The following JPH2 variants were observed in gnomAD, a reference collection of about 807,000 sequenced individuals.
The protein encoded by JPH2 is junctophilin-2.
A neutral mutation model predicts 55.9 loss-of-function variants in JPH2; 38 were observed. That is an observed-to-expected ratio of 0.68 (90% CI 0.52 to 0.89). The LOEUF (loss-of-function observed/expected upper bound fraction) is 0.89. JPH2 is among the 40% of genes least tolerant of loss of function. JPH2 has a pLI of 0.00. For synonymous variants in JPH2, 480 were observed against 472.4 expected (o/e 1.02, Z -0.21); for missense variants, 964 against 1,037.6 (o/e 0.93, Z 0.97).
intron 1 of JPH2, among the ~76,000 whole-genome samples, chr20:44,169,603 A>G (rs528832037): frequency 2.4e-4 from 36 of 152,324 alleles, no homozygotes; most frequent in South Asian, 6.2e-4. Context: ...CTCCAAATAC[A>G]GAATGGACAC....
chr20:44,159,400 G>A lies in JPH2; in HGVS notation c.1169+218C>T, dbSNP rs1349195055. Among the ~76,000 whole-genome samples the A allele has an allele frequency of 6.6e-6, 1 of 152,144 alleles. No homozygotes were observed. The highest frequency in any genetic ancestry group is 1.5e-5 in the Non-Finnish European group (1 of 68,018). ...TTAGAAAGGTTGGGTGAGTGGTAGG[G>A]TTAAGTCAGTGGAAGGGCTGGGTGT... On this transcript the variant is annotated intron_variant, in intron 2 of 5. Transcript: ENST00000372980. The surrounding 1 kb of genome is among the most constrained non-coding windows in gnomAD (Gnocchi z 5.7).
intron 2 of JPH2, among the ~76,000 whole-genome samples, chr20:44,143,925 T>C (rs1004835871): frequency 2.0e-5 from 3 of 151,476 alleles, no homozygotes; most frequent in Non-Finnish European, 4.4e-5. Context: ...GAGAGACAAA[T>C]AGGGGATGGA....
intron 2 of JPH2, among the ~76,000 whole-genome samples, chr20:44,150,442 T>C (rs537850182): frequency 1.3e-5 from 2 of 152,300 alleles, no homozygotes; most frequent in Admixed American, 6.5e-5. Flanking sequence ...CTTAAAATTG[T>C]TAAAAGGACA....
chr20:44,128,325 C>T (rs760215306), intron 2 of JPH2, among the ~76,000 whole-genome samples: 15 of 115,414 alleles, frequency 1.3e-4, no homozygotes, highest in South Asian at 9.8e-4. Context: ...TAGGTACTAC[C>T]ACCACTTTAC....
At chr20:44,161,009 G>A (rs1011731036) in intron 1 of JPH2, among the ~76,000 whole-genome samples, 4 of 152,140 alleles carry the variant, frequency 2.6e-5, no homozygotes, top group Non-Finnish European at 4.4e-5. Context: ...CCGGGAGGTC[G>A]AGGCTGCAGT....
chr20:44,173,371 C>T (rs1466770025), intron 1 of JPH2, among the ~76,000 whole-genome samples: 9 of 152,138 alleles, frequency 5.9e-5, no homozygotes, highest in African/African-American at 1.2e-4. Context: ...ACCCCCACCC[C>T]GAAACTGCCT....
intron 2 of JPH2, among the ~76,000 whole-genome samples, chr20:44,157,718 T>C (rs1484881831): frequency 5.3e-5 from 8 of 152,072 alleles, no homozygotes; most frequent in Admixed American, 5.2e-4. Flanking sequence ...AAACTGACAC[T>C]CAGACAGGCC....
intron 3 of JPH2, among the ~76,000 whole-genome samples, chr20:44,117,310 G>A (rs1196396520): frequency 6.6e-6 from 1 of 152,158 alleles, no homozygotes; most frequent in Non-Finnish European, 1.5e-5. Flanking sequence ...CTTCATCGCA[G>A]AGAATCCCCA....
At chr20:44,130,144 G>A (rs890656384) in intron 2 of JPH2, among the ~76,000 whole-genome samples, 7 of 152,144 alleles carry the variant, frequency 4.6e-5, no homozygotes, top group Non-Finnish European at 7.3e-5. Flanking sequence ...CGGAAGAAAC[G>A]CAGGCTCAGA....
At chr20:44,123,832 G>C (rs907557638) in intron 2 of JPH2, among the ~76,000 whole-genome samples, 1 of 152,320 alleles carries the variant, frequency 6.6e-6, no homozygotes, top group South Asian at 2.1e-4. Flanking sequence ...TCGGCGGAGA[G>C]AAAAGCCAGC....
At position 44,108,552 on chromosome 20, in the gene JPH2, G is replaced by A. The variant is rs1269435342; in HGVS notation, c.*4966C>T. Among the ~76,000 whole-genome samples, 2 of 149,294 alleles carry A rather than the reference G, an allele frequency of 1.3e-5. No individual in the cohort carries two copies. The highest frequency in any genetic ancestry group is 2.0e-4 in the East Asian group (1 of 5,056). ...ATTGCTGACTTTACAGCCTCAAGAT[G>A]TAAATAGCTTTAAAAGGTCACTAAG... On this transcript the variant is annotated 3_prime_UTR_variant, in exon 6 of 6. Transcript: ENST00000372980.
Position 44,161,591 on chromosome 20 carries a change from G to GT in JPH2, c.380-1185dup, listed in dbSNP as rs200557266. Among the ~76,000 whole-genome samples, 1,271 of 151,110 alleles carry GT rather than the reference G, an allele frequency of 8.4e-3. 6 individuals are homozygous for GT. Among genetic ancestry groups the GT allele is most frequent in the African/African-American group, 0.011 (452 of 41,118 alleles). ...TAATAACTGCCTCTTACCTCCTAGG[G>GT]TTTTTTTTTGAGGTTTAAATGAGTT... On this transcript the variant is annotated intron_variant, in intron 1 of 5. Transcript: ENST00000372980.
At chr20:44,179,607 G>A (rs751136360) in intron 1 of JPH2, among the ~76,000 whole-genome samples, 7 of 152,148 alleles carry the variant, frequency 4.6e-5, no homozygotes, top group African/African-American at 7.2e-5. Context: ...AGGGCCCTGC[G>A]TCTGGGTTAA....
In JPH2 at chr20:44,160,615, C is replaced by CA. The variant is rs887048396; in HGVS notation, c.380-209dup. 4.8e-4 allele frequency among the ~76,000 whole-genome samples: 73 copies of CA among 152,314 alleles called. No homozygotes were observed. The highest frequency in any genetic ancestry group is 1.7e-3 in the African/African-American group (72 of 41,574). On this transcript the variant is annotated intron_variant, in intron 1 of 5. Transcript: ENST00000372980. The surrounding 1 kb of genome is among the most constrained non-coding windows in gnomAD (Gnocchi z 4.9). ...GAGTGGGTGAGCCAGGAGGAGCTTGCACGATGGTAGGAATACGTTGGTGGG... is the reference window on the plus strand; with the variant it reads ...GAGTGGGTGAGCCAGGAGGAGCTTGCAACGATGGTAGGAATACGTTGGTGGG...
chr20:44,133,999 A>ATATAAATATATATTAT (rs2072347930), intron 2 of JPH2, among the ~76,000 whole-genome samples: 1 of 33,426 alleles, frequency 3.0e-5, no homozygotes, highest in East Asian at 9.6e-4. Context: ...TTATAAATAT[A>ATATAAATATATATTAT]TATAAATATA....
At chr20:44,179,873 T>G (rs1600477980) in intron 1 of JPH2, among the ~76,000 whole-genome samples, 1 of 152,244 alleles carries the variant, frequency 6.6e-6, no homozygotes, top group Admixed American at 6.5e-5. Context: ...TTTCCTCATA[T>G]GTAAAACAGG....
At chr20:44,127,890 A>G (rs953015606) in intron 2 of JPH2, among the ~76,000 whole-genome samples, 13 of 152,300 alleles carry the variant, frequency 8.5e-5, no homozygotes, top group African/African-American at 3.1e-4. Flanking sequence ...TTGAGCATCT[A>G]TGTGCTTCAC....
rs2072111091 is a variant in JPH2 at position 44,106,710 on chromosome 20, G to A, written c.*6808C>T. 6.6e-6 allele frequency among the ~76,000 whole-genome samples: 1 copy of A among 152,094 alleles called. No homozygotes were observed. Among genetic ancestry groups the A allele is most frequent in the Non-Finnish European group, 1.5e-5 (1 of 68,024 alleles). ...ACTAGATGGCAGCAGGCAAAGAGAG[G>A]AACTTGTGCAGAGTAACTCCTCTTT... On this transcript the variant is annotated 3_prime_UTR_variant, in exon 6 of 6. Coordinates refer to ENST00000372980, the MANE Select transcript of JPH2 (RefSeq NM_020433.5).
At chr20:44,171,700 T>C (rs989565023) in intron 1 of JPH2, among the ~76,000 whole-genome samples, 2 of 152,220 alleles carry the variant, frequency 1.3e-5, no homozygotes, top group Admixed American at 1.3e-4. Flanking sequence ...AGTTTACCTC[T>C]ATTCATCCTG....
Sources: allele counts gnomAD v4.1 joint callset (sites outside exome capture counted in the v4.1 genomes callset), GRCh38; gene constraint gnomAD v4.1.1; non-coding constraint Gnocchi (gnomAD v3.1); transcripts MANE v1.5; gene names NCBI Gene and HGNC (gene_info 2026-07-23, HGNC 2026-07-21).